Variants in DHRS7B observed in about 807,000 individuals in gnomAD.
DHRS7B encodes the protein peroxisomal reductase activating PPAR-gamma.
DHRS7B carries 24 observed loss-of-function variants against 26.4 expected under a neutral mutation model. The ratio of observed to expected loss-of-function variants is 0.91; its 90% CI spans 0.66 to 1.28. The LOEUF is 1.28. DHRS7B is among the 50% of genes most tolerant of loss of function. DHRS7B has a pLI of 0.00. For synonymous variants in DHRS7B, 142 were observed against 166.4 expected (o/e 0.85, Z 1.13); for missense variants, 368 against 419.4 (o/e 0.88, Z 1.07).
intron 1 of DHRS7B, among the ~76,000 whole-genome samples, chr17:21,166,002 A>G (rs1974104575): frequency 6.6e-6 from 1 of 151,986 alleles, no homozygotes; most frequent in Non-Finnish European, 1.5e-5. Context: ...TATAATTGAT[A>G]AGGAGGGCTT....
At chr17:21,168,906 G>A (rs1168560571) in intron 1 of DHRS7B, 3 of 985,434 alleles carry the variant, frequency 3.0e-6, no homozygotes, top group Non-Finnish European at 3.6e-6. Flanking sequence ...TGTAGTTTTC[G>A]CTCTTTTCTT....
rs75436577 is a variant in DHRS7B at position 21,166,086 on chromosome 17, A to G, written c.21-5932A>G. 1,353 of 928,806 alleles carry G rather than the reference A, an allele frequency of 1.5e-3. 18 individuals carry two copies. In the African/African-American group the frequency reaches 0.023, roughly 16 times the overall value. The allele number at this position is 928,806 out of a possible 1,614,324, so 57.5% of individuals were successfully genotyped here. The stretch of plus-strand genomic sequence containing the variant: ...ATTGTCACCGCACTCCTGTGCCATC[A>G]TATTACAGGGCCCGGGGCTGGGCTT... On this transcript the variant is annotated intron_variant, in intron 1 of 6. Coordinates refer to ENST00000395511, the MANE Select transcript of DHRS7B (RefSeq NM_015510.5).
chr17:21,148,557 A>G (rs899706631), intron 1 of DHRS7B, among the ~76,000 whole-genome samples: 2 of 152,104 alleles, frequency 1.3e-5, no homozygotes, highest in Admixed American at 1.3e-4. Context: ...CAGCCTGGCC[A>G]ATGTGGTGAA....
rs961306222 is a variant in DHRS7B at position 21,150,122 on chromosome 17, A to C, written c.21-21896A>C. On this transcript the variant is annotated intron_variant, in intron 1 of 6. Coordinates refer to ENST00000395511, the MANE Select transcript of DHRS7B (RefSeq NM_015510.5). ...TCTCTATTTAAAAAAAAAAAAAAAA[A>C]AAAAAAAAAACTAAGGCATAGAGTA... 6.2e-4 allele frequency among the ~76,000 whole-genome samples: 93 copies of C among 150,278 alleles called. 1 individual carries two copies. Among genetic ancestry groups the C allele is most frequent in the African/African-American group, 1.7e-3 (68 of 40,948 alleles).
chr17:21,148,661 G>A (rs1190193785), intron 1 of DHRS7B, among the ~76,000 whole-genome samples: 2 of 152,114 alleles, frequency 1.3e-5, no homozygotes, highest in African/African-American at 2.4e-5. Context: ...CAGGAGAATC[G>A]CTTGAACCTA....
rs991983320 is a variant in DHRS7B at position 21,178,450 on chromosome 17, C to G, written c.309+108C>G. ...ACTGCTGAGCTGTAGGACATCCATGCGTCACACTGTCCCAGGGAAGGCAGC... is the reference window on the plus strand; with the variant it reads ...ACTGCTGAGCTGTAGGACATCCATGGGTCACACTGTCCCAGGGAAGGCAGC... On this transcript the variant is annotated intron_variant, in intron 3 of 6. Transcript: ENST00000395511. The G allele has an allele frequency of 5.7e-6, 5 of 869,782 alleles. No homozygotes were observed. The African/African-American group carries it at 6.7e-5, about 12-fold the overall frequency. The allele number at this position is 869,782 out of a possible 1,614,324, so 53.9% of individuals were successfully genotyped here. A position where few individuals can be genotyped will look rare whatever the true frequency, so the allele number is the denominator to read the frequency against.
chr17:21,144,289 C>T (rs975906773), intron 1 of DHRS7B, among the ~76,000 whole-genome samples: 1 of 152,126 alleles, frequency 6.6e-6, no homozygotes, highest in African/African-American at 2.4e-5. Context: ...AGAATCTACT[C>T]ATTCTGGAGG....
At chr17:21,143,936 G>T (rs1268296558) in intron 1 of DHRS7B, among the ~76,000 whole-genome samples, 2 of 152,196 alleles carry the variant, frequency 1.3e-5, no homozygotes, top group Non-Finnish European at 1.5e-5. Context: ...TCAAGCTTGT[G>T]CATGGCACAG....
At chr17:21,171,959 G>C in intron 1 of DHRS7B, 59 bp from the exon 2 acceptor site, 1 of 1,603,046 alleles carries the variant, frequency 6.2e-7, no homozygotes, top group Non-Finnish European at 8.5e-7. Context: ...GAAGAGCCTA[G>C]GAAAGTCCCC....
intron 1 of DHRS7B, among the ~76,000 whole-genome samples, chr17:21,132,547 A>C (rs936283214): frequency 6.9e-6 from 1 of 145,636 alleles, no homozygotes; most frequent in African/African-American, 2.7e-5. Flanking sequence ...AAAAAAAAAA[A>C]AACAAAAAAA....
At chr17:21,149,926 C>T (rs1461810023) in intron 1 of DHRS7B, among the ~76,000 whole-genome samples, 1 of 151,856 alleles carries the variant, frequency 6.6e-6, no homozygotes, top group East Asian at 1.9e-4. Context: ...AATAATAACA[C>T]TGAATGTTAA....
rs371261090 is a variant in DHRS7B at position 21,172,115 on chromosome 17, C to G, written c.118C>G (p.Leu40Val). The G allele has an allele frequency of 7.1e-5, 114 of 1,614,074 alleles. No homozygotes were observed. The highest frequency in any genetic ancestry group is 9.2e-5 in the Non-Finnish European group (109 of 1,180,040). ...CCTGGGCGTCTTCGGCCTCTTCCGG[C>G]TGCTGCAGTGGGTGCGCGGGAAGGC... ...GCLGVFGLFR[L>V]LQWVRGKAYL... is the part of the protein sequence containing the mutation. The change falls in exon 2 of 7, where the codon CTG becomes GTG. Residue 40 changes from leucine to valine, a missense_variant. Coordinates refer to ENST00000395511, the MANE Select transcript of DHRS7B (RefSeq NM_015510.5).
intron 1 of DHRS7B, among the ~76,000 whole-genome samples, chr17:21,149,634 G>C (rs571734611): frequency 6.6e-6 from 1 of 152,170 alleles, no homozygotes; most frequent in Admixed American, 6.5e-5. Context: ...AGGATAAAGT[G>C]TAGAGGGAGT....
chr17:21,138,162 C>T (rs73305688), intron 1 of DHRS7B, among the ~76,000 whole-genome samples: 2,980 of 134,746 alleles, frequency 0.022, 136 homozygotes, highest in African/African-American at 0.078. Flanking sequence ...ACTGACCATT[C>T]GTGACATGCT....
chr17:21,141,320 A>T (rs930816238), intron 1 of DHRS7B, among the ~76,000 whole-genome samples: 8 of 152,096 alleles, frequency 5.3e-5, no homozygotes, highest in Non-Finnish European at 7.4e-5. Flanking sequence ...TCAATTTCTC[A>T]CACAAATGCA....
intron 1 of DHRS7B, among the ~76,000 whole-genome samples, chr17:21,157,635 A>G (rs1973909597): frequency 6.6e-6 from 1 of 152,192 alleles, no homozygotes; most frequent in African/African-American, 2.4e-5. Flanking sequence ...TTGAGGGTGC[A>G]GTGAGTTGTG....
chr17:21,175,945 A>C (rs954405681), intron 2 of DHRS7B, among the ~76,000 whole-genome samples: 1 of 143,196 alleles, frequency 7.0e-6, no homozygotes, highest in Non-Finnish European at 1.5e-5. Flanking sequence ...AAAAAAAAAA[A>C]GTAAAAAACT....
chr17:21,139,794 A>G (rs1291362306), intron 1 of DHRS7B, among the ~76,000 whole-genome samples: 1 of 152,104 alleles, frequency 6.6e-6, no homozygotes, highest in Non-Finnish European at 1.5e-5. Context: ...CTTGCTTTTT[A>G]TTAAAGAGTC....
chr17:21,182,436 CG>C (rs1300482386), intron 3 of DHRS7B, among the ~76,000 whole-genome samples: 1 of 152,016 alleles, frequency 6.6e-6, no homozygotes, highest in Non-Finnish European at 1.5e-5. Context: ...TTAGTAGAGA[CG>C]GGGGTTTCTC....
Sources: gnomAD v4.1 joint callset for allele counts (sites outside exome capture counted in the v4.1 genomes callset) on GRCh38, gnomAD v4.1.1 for gene constraint, MANE v1.5 for transcripts, NCBI Gene and HGNC (gene_info 2026-07-23, HGNC 2026-07-21) for gene names.